The following SHISA9 variants were observed in gnomAD, a reference collection of about 807,000 sequenced individuals.
SHISA9 encodes the protein shisa family member 9, also known as protein shisa-9.
Under a neutral mutation model 38.0 loss-of-function variants are expected in SHISA9, and 13 were observed. The ratio of observed to expected loss-of-function variants is 0.34; its 90% CI spans 0.22 to 0.54. The LOEUF is 0.54. Ranked by LOEUF, SHISA9 falls within the 20% of genes least tolerant of loss-of-function variation. The pLI, the probability that SHISA9 is intolerant of heterozygous loss-of-function variation, is 0.91. For synonymous variants in SHISA9, 275 were observed against 242.0 expected (o/e 1.14, Z -1.27); for missense variants, 538 against 575.8 (o/e 0.93, Z 0.67).
At chr16:13,390,562 C>G in the SHISA9 span, among the ~76,000 whole-genome samples, 25 of 152,146 alleles carry the variant, frequency 1.6e-4, no homozygotes, top group African/African-American at 6.0e-4. Context: ...GCTTTCAACA[C>G]TAAGTCACGT....
chr16:12,964,901 G>A (rs1471686066), intron 2 of SHISA9, among the ~76,000 whole-genome samples: 1 of 152,140 alleles, frequency 6.6e-6, no homozygotes, highest in Non-Finnish European at 1.5e-5. Flanking sequence ...CTGCATAAAA[G>A]AGCAATATAA....
chr16:12,981,248 C>T (rs1159571696), intron 2 of SHISA9, among the ~76,000 whole-genome samples: 1 of 152,372 alleles, frequency 6.6e-6, no homozygotes, highest in Admixed American at 6.5e-5. Context: ...CAGAAACCTA[C>T]AGTCGATCAC....
intron 2 of SHISA9, among the ~76,000 whole-genome samples, chr16:13,188,516 G>A (rs1050241604): frequency 2.6e-5 from 4 of 152,102 alleles, no homozygotes; most frequent in East Asian, 1.9e-4. Flanking sequence ...CTAGGAGTTC[G>A]AGACCAGCCT....
Position 13,055,064 on chromosome 16 carries a change from A to T in SHISA9, c.691+138249A>T, listed in dbSNP as rs78249785. ...ATGTATGCATATCATTATTAAATTA[A>T]TAGGCCTTCTCCTAATTTGGCCATC... is the stretch of plus-strand genomic sequence containing the variant. On this transcript the variant is annotated intron_variant, in intron 2 of 4. Coordinates refer to ENST00000558583, the MANE Select transcript of SHISA9 (RefSeq NM_001145204.3). 4.3e-3 allele frequency among the ~76,000 whole-genome samples: 651 copies of T among 152,342 alleles called. 8 individuals carry two copies. Among genetic ancestry groups the T allele is most frequent in the African/African-American group, 0.014 (583 of 41,570 alleles).
chr16:13,045,072 G>A (rs116973552), intron 2 of SHISA9, among the ~76,000 whole-genome samples: 67 of 152,268 alleles, frequency 4.4e-4, no homozygotes, highest in Non-Finnish European at 9.0e-4. Context: ...AGATGGGGAC[G>A]ATAACAGCAT....
the SHISA9 span, among the ~76,000 whole-genome samples, chr16:13,277,755 T>C: frequency 6.6e-6 from 1 of 152,052 alleles, no homozygotes; most frequent in Admixed American, 6.6e-5. Flanking sequence ...AGCTACAGAT[T>C]TGTGTACATT....
intron 2 of SHISA9, among the ~76,000 whole-genome samples, chr16:12,998,650 C>G (rs2072488329): frequency 6.6e-6 from 1 of 152,190 alleles, no homozygotes; most frequent in Non-Finnish European, 1.5e-5. Flanking sequence ...CCACCTCGGT[C>G]TTCCTGAGTA....
chr16:12,970,408 T>TATATATACATATATGTATATATATATAC (rs1567357084), intron 2 of SHISA9, among the ~76,000 whole-genome samples: 3 of 5,002 alleles, frequency 6.0e-4, no homozygotes, highest in Non-Finnish European at 1.2e-3. Context: ...TATATACATA[T>TATATATACATATATGTATATATATATAC]ATATATATAC....
rs555670490 is a variant in SHISA9, at chr16:12,920,853, C to A, written c.691+4038C>A. Among the ~76,000 whole-genome samples, 81 of 152,294 alleles carry A rather than the reference C, an allele frequency of 5.3e-4. No homozygotes were observed. In the Middle Eastern group the frequency reaches 0.01, roughly 19 times the overall value. ...TCCTTTTCTGTTCTAGAGTCCCATC[C>A]AGGATACCACGTTGTCTTTAATAGA... On this transcript the variant is annotated intron_variant, in intron 2 of 4. Coordinates refer to ENST00000558583, the MANE Select transcript of SHISA9 (RefSeq NM_001145204.3).
At chr16:12,912,372 A>C (rs887777197) in intron 1 of SHISA9, among the ~76,000 whole-genome samples, 1 of 152,166 alleles carries the variant, frequency 6.6e-6, no homozygotes, top group Non-Finnish European at 1.5e-5. Context: ...AGAACCGACC[A>C]AGTTCACAGT....
At chr16:13,144,942 T>C (rs2050434028) in intron 2 of SHISA9, among the ~76,000 whole-genome samples, 1 of 152,232 alleles carries the variant, frequency 6.6e-6, no homozygotes, top group Non-Finnish European at 1.5e-5. Context: ...CAATTATTTT[T>C]GATTTATTGA....
chr16:13,260,005 T>TTC, the SHISA9 span, among the ~76,000 whole-genome samples: 1 of 127,924 alleles, frequency 7.8e-6, no homozygotes, highest in Non-Finnish European at 1.7e-5. Context: ...TTTTCTTTCT[T>TTC]TCTTTTTTTT....
At chr16:13,143,629 A>T (rs1038779543) in intron 2 of SHISA9, among the ~76,000 whole-genome samples, 5 of 152,198 alleles carry the variant, frequency 3.3e-5, no homozygotes, top group Non-Finnish European at 5.9e-5. Flanking sequence ...TGTATAAACC[A>T]TCATGCAAAT....
chr16:13,487,138 C>G, the SHISA9 span, among the ~76,000 whole-genome samples: 1 of 152,308 alleles, frequency 6.6e-6, no homozygotes, highest in South Asian at 2.1e-4. Flanking sequence ...ACAGTCATCC[C>G]TTGCTATCTG....
At chr16:13,262,466 A>C in the SHISA9 span, among the ~76,000 whole-genome samples, 1 of 152,164 alleles carries the variant, frequency 6.6e-6, no homozygotes, top group Admixed American at 6.5e-5. Context: ...AAGGCTTATC[A>C]GGTTGTATCA....
chr16:13,474,869 C>A, the SHISA9 span, among the ~76,000 whole-genome samples: 22 of 152,192 alleles, frequency 1.4e-4, no homozygotes, highest in African/African-American at 3.9e-4. Context: ...GTTGAAGGAA[C>A]AGCAAAAAGG....
the SHISA9 span, among the ~76,000 whole-genome samples, chr16:13,365,531 A>G: frequency 7.1e-6 from 1 of 141,258 alleles, no homozygotes; most frequent in Non-Finnish European, 1.5e-5. Context: ...ATCTTGGCTC[A>G]CTGCAACCTC....
At chr16:13,329,267 G>C in the SHISA9 span, among the ~76,000 whole-genome samples, 1 of 152,108 alleles carries the variant, frequency 6.6e-6, no homozygotes, top group African/African-American at 2.4e-5. Context: ...CCTCTTTCTT[G>C]CAAGCGAGAG....
Position 13,235,046 on chromosome 16 carries a change from C to T in SHISA9, c.912C>T (p.Asp304=). 1.3e-6 allele frequency: 2 copies of T among 1,546,928 alleles called. No homozygotes were observed. The highest frequency in any genetic ancestry group is 1.7e-6 in the Non-Finnish European group (2 of 1,143,832). The change falls in exon 5 of 5, where the codon GAC becomes GAT. Residue 304 remains aspartate (D), a synonymous_variant. Transcript: ENST00000558583. Reference sequence around the variant, plus strand: ...GATGTGTAGCTGACAAGGTCAATGACGACTTCTACACCAAGCGACGGCACC... The same window carrying T: ...GATGTGTAGCTGACAAGGTCAATGATGACTTCTACACCAAGCGACGGCACC... ...LKSPKADKVN[D]DFYTKRRHLA... is the part of the protein sequence containing the mutation.
Sources: gnomAD v4.1 joint callset for allele counts (sites outside exome capture counted in the v4.1 genomes callset) on GRCh38, gnomAD v4.1.1 for gene constraint, MANE v1.5 for transcripts, NCBI Gene and HGNC (gene_info 2026-07-23, HGNC 2026-07-21) for gene names.